RNGTT: variants seen among roughly 807,000 people sequenced by gnomAD.
The protein encoded by RNGTT is RNA guanylyltransferase and 5'-phosphatase, also known as mRNA-capping enzyme.
A neutral mutation model predicts 79.3 loss-of-function variants in RNGTT; 33 were observed. The observed-to-expected ratio is 0.42, with a 90% CI of 0.32 to 0.56. RNGTT has a LOEUF of 0.56. Among genes scored for constraint, RNGTT ranks in the 20% least tolerant of loss-of-function variants. RNGTT has a pLI of 0.17. For synonymous variants in RNGTT, 222 were observed against 235.9 expected, an observed-to-expected ratio of 0.94 and a Z score of 0.54; for missense variants, 497 against 739.1, an observed-to-expected ratio of 0.67 and a Z score of 3.80.
At chr6:88,952,186 A>T (rs1377845591) in intron 1 of RNGTT, among the ~76,000 whole-genome samples, 1 of 152,128 alleles carries the variant, frequency 6.6e-6, no homozygotes, top group Non-Finnish European at 1.5e-5. Context: ...ATGACACAGC[A>T]GAGGCAGCCA....
intron 13 of RNGTT, among the ~76,000 whole-genome samples, chr6:88,722,502 C>T (rs192081820): frequency 6.6e-6 from 1 of 152,144 alleles, no homozygotes; most frequent in Non-Finnish European, 1.5e-5. Context: ...CACAGATCAG[C>T]GTATCTTGAA....
At chr6:88,743,656 T>C (rs1777567368) in intron 13 of RNGTT, among the ~76,000 whole-genome samples, 1 of 152,210 alleles carries the variant, frequency 6.6e-6, no homozygotes, top group South Asian at 2.1e-4. Flanking sequence ...GAATTTCCTA[T>C]CTTTTTAAGG....
intron 13 of RNGTT, among the ~76,000 whole-genome samples, chr6:88,750,325 T>TA (rs1272313704): frequency 6.6e-6 from 1 of 152,102 alleles, no homozygotes. Context: ...TAAGACCAGT[T>TA]AGAGGCTACC....
chr6:88,959,751 G>GA (rs539764785), intron 1 of RNGTT, among the ~76,000 whole-genome samples: 36 of 146,554 alleles, frequency 2.5e-4, no homozygotes, highest in Middle Eastern at 3.5e-3. Flanking sequence ...TCTCGATGCT[G>GA]AAAAAAAAAA....
In RNGTT at chr6:88,790,463, GT is replaced by G. The variant is rs551808801; in HGVS notation, c.1338+11100del. On this transcript the variant is annotated intron_variant, in intron 12 of 15. Coordinates refer to ENST00000369485, the MANE Select transcript of RNGTT (RefSeq NM_003800.5). ...AGAAGAGAAAAACTGAAACTGCAAG[GT>G]TAAGTGAAAGTTTACCCAAGAGTGG... is the stretch of plus-strand genomic sequence containing the variant. 7.2e-5 allele frequency among the ~76,000 whole-genome samples: 11 copies of G among 152,258 alleles called. No homozygotes were observed. The South Asian group carries it at 2.3e-3, about 32-fold the overall frequency.
intron 13 of RNGTT, among the ~76,000 whole-genome samples, chr6:88,716,028 C>T (rs2127810099): frequency 6.6e-6 from 1 of 151,738 alleles, no homozygotes; most frequent in South Asian, 2.1e-4. Flanking sequence ...AGTGAACAGG[C>T]AACCTACAAA....
intron 13 of RNGTT, among the ~76,000 whole-genome samples, chr6:88,735,646 GAA>G (rs1366002271): frequency 2.6e-5 from 4 of 151,164 alleles, no homozygotes; most frequent in Non-Finnish European, 5.9e-5. Context: ...AAATTAAAAT[GAA>G]AATACAAACT....
intron 11 of RNGTT, among the ~76,000 whole-genome samples, chr6:88,843,623 A>G (rs1196431346): frequency 1.5e-5 from 2 of 137,324 alleles, no homozygotes; most frequent in African/African-American, 5.7e-5. Flanking sequence ...CAATGGCGCA[A>G]TCTCGGCTCA....
intron 14 of RNGTT, among the ~76,000 whole-genome samples, chr6:88,635,913 T>C (rs911847807): frequency 1.3e-5 from 2 of 152,066 alleles, no homozygotes; most frequent in African/African-American, 4.8e-5. Flanking sequence ...CAGATAGTGT[T>C]TGCTAGTCAT....
At chr6:88,926,708 T>C (rs1582138726) in intron 4 of RNGTT, among the ~76,000 whole-genome samples, 1 of 152,224 alleles carries the variant, frequency 6.6e-6, no homozygotes, top group Non-Finnish European at 1.5e-5. Context: ...TTACTGGCTG[T>C]GTGAGTGACC....
chr6:88,696,812 T>C (rs1442419481), intron 13 of RNGTT, among the ~76,000 whole-genome samples: 5 of 152,080 alleles, frequency 3.3e-5, no homozygotes, highest in Non-Finnish European at 5.9e-5. Flanking sequence ...CCTGGGAAAA[T>C]GTAAGAACAT....
At chr6:88,926,812 T>C (rs962000190) in intron 4 of RNGTT, among the ~76,000 whole-genome samples, 1 of 152,226 alleles carries the variant, frequency 6.6e-6, no homozygotes, top group Non-Finnish European at 1.5e-5. Flanking sequence ...TGAGACAATG[T>C]GTGTGACATG....
intron 6 of RNGTT, among the ~76,000 whole-genome samples, chr6:88,904,469 A>G (rs2127942381): frequency 6.6e-6 from 1 of 151,998 alleles, no homozygotes; most frequent in East Asian, 1.9e-4. Context: ...AGTCCCAGCT[A>G]CTCAGGAGGC....
At chr6:88,721,320 T>C (rs944803770) in intron 13 of RNGTT, among the ~76,000 whole-genome samples, 3 of 152,114 alleles carry the variant, frequency 2.0e-5, no homozygotes, top group Non-Finnish European at 2.9e-5. Flanking sequence ...TCTACTCTTA[T>C]AATATTTATT....
At chr6:88,684,178 T>G (rs1027534421) in intron 13 of RNGTT, among the ~76,000 whole-genome samples, 4 of 152,122 alleles carry the variant, frequency 2.6e-5, no homozygotes, top group African/African-American at 9.7e-5. Context: ...GAAGTAACAC[T>G]AAGATACTAC....
At chr6:88,822,774 T>C (rs891174363) in intron 11 of RNGTT, among the ~76,000 whole-genome samples, 12 of 152,284 alleles carry the variant, frequency 7.9e-5, no homozygotes, top group African/African-American at 2.9e-4. Flanking sequence ...TAAAAACAGG[T>C]GATCAACCAA....
chr6:88,787,105 AC>A (rs1779252785), intron 12 of RNGTT, among the ~76,000 whole-genome samples: 1 of 151,986 alleles, frequency 6.6e-6, no homozygotes, highest in Non-Finnish European at 1.5e-5. Context: ...TTGTTACAGC[AC>A]CCCAAACTGA....
At chr6:88,905,129 C>A (rs574049291) in intron 5 of RNGTT, among the ~76,000 whole-genome samples, 174 bp from the exon 6 acceptor site, 1 of 152,244 alleles carries the variant, frequency 6.6e-6, no homozygotes, top group South Asian at 2.1e-4. Flanking sequence ...CACATTCATT[C>A]TGAAAAGGTT....
At chr6:88,790,509 C>G (rs1408419896) in intron 12 of RNGTT, among the ~76,000 whole-genome samples, 1 of 152,160 alleles carries the variant, frequency 6.6e-6, no homozygotes, top group African/African-American at 2.4e-5. Flanking sequence ...CCTTTACCTT[C>G]TCTACTCCAA....
Sources: gnomAD v4.1 joint callset for allele counts (sites outside exome capture counted in the v4.1 genomes callset) on GRCh38, gnomAD v4.1.1 for gene constraint, MANE v1.5 for transcripts, NCBI Gene and HGNC (gene_info 2026-07-23, HGNC 2026-07-21) for gene names.